Variants in PGGHG observed in about 807,000 individuals in gnomAD.
PGGHG encodes the protein protein-glucosylgalactosylhydroxylysine glucosidase, also known as ATH1, acid trehalase-like 1.
PGGHG carries 67 observed loss-of-function variants against 74.5 expected under a neutral mutation model. The observed-to-expected ratio is 0.90, with a 90% CI of 0.74 to 1.10. PGGHG has a LOEUF of 1.10. Among genes scored for constraint, PGGHG ranks in the 50% least tolerant of loss-of-function variants. The pLI is 0.00. For synonymous variants in PGGHG, 496 were observed against 419.9 expected (o/e 1.18, Z -2.21); for missense variants, 1,034 against 981.5 (o/e 1.05, Z -0.72).
In PGGHG at chr11:292,820, A is replaced by G. The variant is rs533545798; in HGVS notation, c.1159-66A>G. ...TCAATGCCAGGCCTTGCTTCTGGGC[A>G]CAGACAGGCCACTAGGAATGAGAGT... On this transcript the variant is annotated intron_variant, in intron 6 of 13. Transcript: ENST00000409548. 6.2e-6 allele frequency: 10 copies of G among 1,610,946 alleles called. No individual in the cohort carries two copies. The Admixed American group carries it at 1.3e-4, about 22-fold the overall frequency.
At chr11:290,241 G>C (rs192345200) in intron 2 of PGGHG, 149 bp from the exon 3 acceptor site, 1 of 1,329,012 alleles carries the variant, frequency 7.5e-7, no homozygotes, top group Non-Finnish European at 1.0e-6. Context: ...CCACCTGGAG[G>C]CCTCCTGTGC....
chr11:289,653 C>G lies in PGGHG; in HGVS notation c.-13-151C>G. ...AGTCGAGCTCCTTTCCTGCGAGGCC[C>G]CGTCTAGGAGGGGCCTCAGGAAAAT... On this transcript the variant is annotated intron_variant, in intron 1 of 13. Transcript: ENST00000409548. This position sits in a 1 kb window ranked among gnomAD's most constrained non-coding sequence, Gnocchi z 5.6. 1.0e-6 allele frequency: 1 copy of G among 987,940 alleles called. No individual in the cohort carries two copies. Among genetic ancestry groups the G allele is most frequent in the East Asian group, 2.7e-5 (1 of 37,550 alleles). The allele number at this position is 987,940 out of a possible 1,614,324, so 61.2% of individuals were successfully genotyped here.
Position 292,942 on chromosome 11 carries a change from G to A in PGGHG, c.1215G>A (p.Glu405=). The change falls in exon 7 of 14, where the codon GAG becomes GAA. Residue 405 remains glutamate (E), a synonymous_variant. Coordinates refer to ENST00000409548, the MANE Select transcript of PGGHG (RefSeq NM_025092.5). ...GGGACGTGGTCAGGGCTGTGGCCGA[G>A]TTTTGGTGCAGTCGTGTTGAGTGGA... ...GGWDVVRAVA[E]FWCSRVEWSP... is the part of the protein sequence containing the mutation. The A allele has an allele frequency of 6.2e-7, 1 of 1,614,156 alleles. No homozygotes were observed. The highest frequency in any genetic ancestry group is 8.5e-7 in the Non-Finnish European group (1 of 1,180,018).
rs554959633 is a variant in PGGHG, at chr11:292,933, T to C, written c.1206T>C (p.Ala402=). ...REAGGWDVVR[A]VAEFWCSRVE... Reference sequence around the variant, plus strand: ...CTGGTGGCTGGGACGTGGTCAGGGCTGTGGCCGAGTTTTGGTGCAGTCGTG... The same window carrying C: ...CTGGTGGCTGGGACGTGGTCAGGGCCGTGGCCGAGTTTTGGTGCAGTCGTG... Residue 402 remains alanine (A), a synonymous_variant, in exon 7 of 14, where the codon GCT becomes GCC. Transcript: ENST00000409548. 6.2e-7 allele frequency: 1 copy of C among 1,614,092 alleles called. No individual in the cohort carries two copies. The highest frequency in any genetic ancestry group is 1.1e-5 in the South Asian group (1 of 91,086).
rs2134031178 is a variant in PGGHG at position 294,432 on chromosome 11, G to A, written c.1974G>A (p.Leu658=). 2 of 1,555,626 alleles carry A rather than the reference G, an allele frequency of 1.3e-6. No homozygotes were observed. Among genetic ancestry groups the A allele is most frequent in the South Asian group, 2.3e-5 (2 of 88,438 alleles). Residue 658 remains leucine (L), a synonymous_variant, in exon 13 of 14, where the codon CTG becomes CTA. Transcript: ENST00000409548. ...GAGCAGGGCCCTGGGCTCCTCACCTGGAGGCTGAGCTGTGGCCATCCCAGT... is the reference window on the plus strand; with the variant it reads ...GAGCAGGGCCCTGGGCTCCTCACCTAGAGGCTGAGCTGTGGCCATCCCAGT... The part of the protein sequence containing the change: ...TARAGPWAPH[L]EAELWPSQSR...
rs532953931 is a variant in PGGHG at position 293,651 on chromosome 11, T to C, written c.1538T>C (p.Leu513Pro). The change falls in exon 10 of 14, where the codon CTG becomes CCG. Residue 513 changes from leucine (L) to proline (P), a missense_variant. Coordinates refer to ENST00000409548, the MANE Select transcript of PGGHG (RefSeq NM_025092.5). ...CTGGGATACCCAGTCCCCTTCTCCC[T>C]GAGTCCTGATGTTCGCAGGAAAAAT... ...VLLGYPVPFS[L>P]SPDVRRKNLE... 1.1e-5 allele frequency: 18 copies of C among 1,613,438 alleles called. No individual in the cohort carries two copies. The highest frequency in any genetic ancestry group is 1.1e-4 in the African/African-American group (8 of 75,010).
rs1436529640 is a variant in PGGHG at position 292,526 on chromosome 11, G to GC, written c.1027-15dup. 2 of 1,611,810 alleles carry GC rather than the reference G, an allele frequency of 1.2e-6. No individual in the cohort carries two copies. Among genetic ancestry groups the GC allele is most frequent in the Admixed American group, 3.3e-5 (2 of 59,952 alleles). On this transcript the variant is annotated intron_variant, in intron 5 of 13. Coordinates refer to ENST00000409548, the MANE Select transcript of PGGHG (RefSeq NM_025092.5). ...GCTCCCCTCCAACAAGGTCAAGTCT[G>GC]CCCCCTCCCAACCCCTCAGGGAGCC... is the stretch of plus-strand genomic sequence containing the variant.
chr11:292,659 G>A lies in PGGHG; in HGVS notation c.1140G>A (p.Leu380=), dbSNP rs1285774904. The A allele has an allele frequency of 1.9e-6, 3 of 1,613,662 alleles. No individual in the cohort carries two copies. The highest frequency in any genetic ancestry group is 1.3e-5 in the African/African-American group (1 of 74,934). ...VNGAVVLAFE[L]YYHTTQDLQL... ...GGGCCGTGGTGTTGGCCTTCGAGCT[G>A]TACTACCATACCACCCAGGTGAGGT... Residue 380 remains leucine (L), a synonymous_variant, in exon 6 of 14, where the codon CTG becomes CTA. Coordinates refer to ENST00000409548, the MANE Select transcript of PGGHG (RefSeq NM_025092.5).
rs1022097045 is a variant in PGGHG, at chr11:292,218, C to G, written c.1026+123C>G. ...ACAAAGCTGGGACATCCTAGATTCC[C>G]CACCCTGAGGCTTGTGGGGCCTCAG... On this transcript the variant is annotated intron_variant, in intron 5 of 13. Coordinates refer to ENST00000409548, the MANE Select transcript of PGGHG (RefSeq NM_025092.5). 2.5e-5 allele frequency: 34 copies of G among 1,352,962 alleles called. No individual in the cohort carries two copies. The Admixed American group carries it at 8.7e-4, about 35-fold the overall frequency. 83.8% of individuals were successfully genotyped at this position (1,352,962 alleles called of 1,614,324 possible).
In PGGHG at chr11:293,613, A is replaced by G. The variant is rs763007076; in HGVS notation, c.1500A>G (p.Ala500=). The G allele has an allele frequency of 8.7e-6, 14 of 1,613,480 alleles. No individual in the cohort carries two copies. The South Asian group carries it at 1.4e-4, about 16-fold the overall frequency. ...CTGTAGGAGAGGTGGTGAAGCAGGC[A>G]GACGTCGTGCTCCTGGGATACCCAG... ...GYEPGEVVKQ[A]DVVLLGYPVP... is the part of the protein sequence containing the mutation. The change falls in exon 10 of 14, where the codon GCA becomes GCG. Residue 500 remains alanine (A), a synonymous_variant. Coordinates refer to ENST00000409548, the MANE Select transcript of PGGHG (RefSeq NM_025092.5).
At position 295,149 on chromosome 11, in the gene PGGHG, A is replaced by C. The variant is rs564366956; in HGVS notation, c.*400A>C. On this transcript the variant is annotated 3_prime_UTR_variant, in exon 14 of 14. Transcript: ENST00000409548. The stretch of plus-strand genomic sequence containing the variant: ...AGGCAGAGAGGCAGGCTCAGGCCTC[A>C]GCGTGGACAGCAGGGATAAGGGGCA... 1 of 170,228 alleles carries C rather than the reference A, an allele frequency of 5.9e-6. No homozygotes were observed. The highest frequency in any genetic ancestry group is 6.3e-5 in the Admixed American group (1 of 15,956). 10.5% of individuals were successfully genotyped at this position (170,228 alleles called of 1,614,324 possible). A position where few individuals can be genotyped will look rare whatever the true frequency, so the allele number is the denominator to read the frequency against.
rs533917348 is a variant in PGGHG, at chr11:292,444, C to T, written c.1027-102C>T. ...CAGTAGCACCCGCCAGGGTACCTGG[C>T]GCAGGCCGAGCCCCCCCTCCTCCAG... On this transcript the variant is annotated intron_variant, in intron 5 of 13. Coordinates refer to ENST00000409548, the MANE Select transcript of PGGHG (RefSeq NM_025092.5). 130 of 1,452,408 alleles carry T rather than the reference C, an allele frequency of 9.0e-5. 1 individual carries two copies. In the South Asian group the frequency reaches 1.2e-3, roughly 14 times the overall value. The allele number at this position is 1,452,408 out of a possible 1,614,324, so 90.0% of individuals were successfully genotyped here. A position where few individuals can be genotyped will look rare whatever the true frequency, so the allele number is the denominator to read the frequency against.
chr11:292,859 G>T, intron 6 of PGGHG, 27 bp from the exon 7 acceptor site: 1 of 1,613,552 alleles, frequency 6.2e-7, no homozygotes, highest in African/African-American at 1.3e-5. Context: ...TGGGGCCCTG[G>T]CCTCTGTGCC....
rs367838551 is a variant in PGGHG, at chr11:293,578, C to T, written c.1481-16C>T. On this transcript the variant is annotated splice_polypyrimidine_tract_variant and intron_variant, in intron 9 of 13. Coordinates refer to ENST00000409548, the MANE Select transcript of PGGHG (RefSeq NM_025092.5). Reference sequence around the variant, plus strand: ...CTGTCCTGGAACACCTTCCAGTCAGCGGCACCTCCCTGTAGGAGAGGTGGT... The same window carrying T: ...CTGTCCTGGAACACCTTCCAGTCAGTGGCACCTCCCTGTAGGAGAGGTGGT... 2.0e-5 allele frequency: 32 copies of T among 1,613,072 alleles called. No homozygotes were observed. Among genetic ancestry groups the T allele is most frequent in the African/African-American group, 2.7e-5 (2 of 74,918 alleles).
Position 294,209 on chromosome 11 carries a change from G to T in PGGHG, c.1808+13G>T, listed in dbSNP as rs549043134. On this transcript the variant is annotated intron_variant, in intron 12 of 13. Coordinates refer to ENST00000409548, the MANE Select transcript of PGGHG (RefSeq NM_025092.5). ...GCACGGGGTTCAGGTAAGTGCAGAG[G>T]CTGGCAGAGGGCAGCCCATGCCCCC... The T allele has an allele frequency of 4.4e-6, 7 of 1,602,288 alleles. No individual in the cohort carries two copies. The South Asian group carries it at 7.8e-5, about 18-fold the overall frequency.
Position 292,051 on chromosome 11 carries a change from A to G in PGGHG, c.982A>G (p.Thr328Ala), listed in dbSNP as rs1328551981. The G allele has an allele frequency of 1.3e-6, 2 of 1,594,184 alleles. No individual in the cohort carries two copies. Residue 328 changes from threonine to alanine, a missense_variant, in exon 5 of 14, where the codon ACG becomes GCG. Thr to Ala is a moderately conservative substitution (Grantham distance 58, BLOSUM62 0). Transcript: ENST00000409548. ...ARAILEYRIR[T>A]LDGALENAQN... Reference sequence around the variant, plus strand: ...GGCCATCCTGGAGTACCGCATCCGCACGCTGGACGGGGCCCTGGAGAACGC... The same window carrying G: ...GGCCATCCTGGAGTACCGCATCCGCGCGCTGGACGGGGCCCTGGAGAACGC...
chr11:290,561 A>T lies in PGGHG; in HGVS notation c.431A>T (p.Asp144Val). 6.4e-7 allele frequency: 1 copy of T among 1,551,838 alleles called. No individual in the cohort carries two copies. Residue 144 changes from aspartate (D) to valine (V), a missense_variant, in exon 3 of 14, where the codon GAC becomes GTC. Transcript: ENST00000409548. ...TCAGCCTTCTCCCCAGAAAGCCCAG[A>T]CCTGGACCTGCATCAGGGTCCTGAC... Reference protein sequence around the residue: ...LRSAFSPESPDLDLHQGPDFQ... With the variant: ...LRSAFSPESPVLDLHQGPDFQ...
intron 5 of PGGHG, 100 bp from the exon 6 acceptor site, chr11:292,446 C>T: frequency 6.8e-7 from 1 of 1,466,726 alleles, no homozygotes. Context: ...GTACCTGGCG[C>T]AGGCCGAGCC....
In PGGHG at chr11:290,016, A is replaced by C; in HGVS notation, c.200A>C (p.Glu67Ala). ...CCCAGCCCCCTCAACGTCCGGCTGG[A>C]GGCCCCTGCAGGGATGGGGGAGCAG... ...MLPSPLNVRLEAPAGMGEQLT... is the reference protein window; with the variant it reads ...MLPSPLNVRLAAPAGMGEQLT... Residue 67 changes from glutamate (E) to alanine (A), a missense_variant, in exon 2 of 14, where the codon GAG (glutamate) becomes GCG (alanine). Physicochemically the swap from Glu to Ala is moderately radical, Grantham distance 107. Transcript: ENST00000409548. 1 of 1,546,464 alleles carries C rather than the reference A, an allele frequency of 6.5e-7. No individual in the cohort carries two copies. Among genetic ancestry groups the C allele is most frequent in the Non-Finnish European group, 8.7e-7 (1 of 1,146,648 alleles).
Sources: gnomAD v4.1 joint callset for allele counts on GRCh38, gnomAD v4.1.1 for gene constraint, Gnocchi (gnomAD v3.1) non-coding constraint, MANE v1.5 for transcripts, NCBI Gene and HGNC (gene_info 2026-07-23, HGNC 2026-07-21) for gene names.